HS6ST3: variants seen among roughly 807,000 people sequenced by gnomAD.
HS6ST3 encodes heparan-sulfate 6-O-sulfotransferase 3.
In HS6ST3, 12 loss-of-function variants were observed where a neutral mutation model predicts 36.7. The observed-to-expected ratio is 0.33, with a 90% confidence interval of 0.21 to 0.53. The LOEUF (loss-of-function observed/expected upper bound fraction) is 0.53. HS6ST3 is among the 20% of genes least tolerant of loss of function. The pLI, the probability that HS6ST3 is intolerant of heterozygous loss-of-function variation, is 0.95. For synonymous variants in HS6ST3, 240 were observed against 257.5 expected, an observed-to-expected ratio of 0.93 and a Z score of 0.65; for missense variants, 584 against 640.9, an observed-to-expected ratio of 0.91 and a Z score of 0.96.
chr13:96,242,823 A>G (rs182622405), intron 1 of HS6ST3, among the ~76,000 whole-genome samples: 67 of 152,330 alleles, frequency 4.4e-4, no homozygotes, highest in Non-Finnish European at 2.4e-4. Context: ...TCACCTCTGG[A>G]TTGCTTCTTT....
At chr13:96,761,985 C>G (rs927804796) in intron 1 of HS6ST3, among the ~76,000 whole-genome samples, 1 of 151,924 alleles carries the variant, frequency 6.6e-6, no homozygotes, top group Admixed American at 6.6e-5. Flanking sequence ...GGTATATACA[C>G]ACATTGTTAT....
chr13:96,731,376 A>T (rs1482288382), intron 1 of HS6ST3, among the ~76,000 whole-genome samples: 1 of 152,078 alleles, frequency 6.6e-6, no homozygotes, highest in Non-Finnish European at 1.5e-5. Context: ...TATTCAGTTA[A>T]CCTGATGTCC....
rs144956111 is a variant in HS6ST3, at chr13:96,608,955, T to C, written c.708-223535T>C. ...AGATAGATAGATAGATAGATATCTTTTATTTATTTATTTATATTTATTTAT... is the reference window on the plus strand; with the variant it reads ...AGATAGATAGATAGATAGATATCTTCTATTTATTTATTTATATTTATTTAT... On this transcript the variant is annotated intron_variant, in intron 1 of 1. Coordinates refer to ENST00000376705, the MANE Select transcript of HS6ST3 (RefSeq NM_153456.4). Among the ~76,000 whole-genome samples, 104 of 151,810 alleles carry C rather than the reference T, an allele frequency of 6.9e-4. 1 individual carries two copies. In the East Asian group the frequency reaches 0.02, roughly 29 times the overall value.
chr13:96,608,888 ATAAT>A (rs2056447812), intron 1 of HS6ST3, among the ~76,000 whole-genome samples: 1 of 152,126 alleles, frequency 6.6e-6, no homozygotes, highest in African/African-American at 2.4e-5. Flanking sequence ...ATCACTGGTA[ATAAT>A]TCATTAAGCC....
At chr13:96,182,650 C>CATAG (rs1240839179) in intron 1 of HS6ST3, among the ~76,000 whole-genome samples, 1 of 152,144 alleles carries the variant, frequency 6.6e-6, no homozygotes, top group Non-Finnish European at 1.5e-5. Context: ...TGAACAAAGG[C>CATAG]ATAGCATTCT....
rs984724356 is a variant in HS6ST3, at chr13:96,370,614, A to T, written c.707+279045A>T. On this transcript the variant is annotated intron_variant, in intron 1 of 1. Transcript: ENST00000376705. The stretch of plus-strand genomic sequence containing the variant: ...GATTTTGTCTTCATCACTCCCATTT[A>T]AAAAAATCCATTATTGGCCAGGTGT... 3.9e-5 allele frequency among the ~76,000 whole-genome samples: 6 copies of T among 152,164 alleles called. No homozygotes were observed. In the South Asian group the frequency reaches 8.3e-4, roughly 21 times the overall value.
At chr13:96,441,718 A>C (rs1306446402) in intron 1 of HS6ST3, among the ~76,000 whole-genome samples, 2 of 152,208 alleles carry the variant, frequency 1.3e-5, no homozygotes, top group Non-Finnish European at 2.9e-5. Flanking sequence ...AATAAAGAAG[A>C]GCTTCTAAAG....
At chr13:96,727,314 G>A (rs1876029082) in intron 1 of HS6ST3, among the ~76,000 whole-genome samples, 6 of 152,066 alleles carry the variant, frequency 3.9e-5, no homozygotes, top group Admixed American at 3.9e-4. Flanking sequence ...ATTCATCGTA[G>A]TACCTGGCAT....
chr13:96,539,924 C>T (rs138422165), intron 1 of HS6ST3, among the ~76,000 whole-genome samples: 1 of 152,156 alleles, frequency 6.6e-6, no homozygotes, highest in Non-Finnish European at 1.5e-5. Context: ...TTCCTGTAGC[C>T]CAGGGACTAA....
intron 1 of HS6ST3, among the ~76,000 whole-genome samples, chr13:96,698,592 A>G (rs974631912): frequency 2.6e-5 from 4 of 152,154 alleles, no homozygotes; most frequent in African/African-American, 9.7e-5. Context: ...CAAACCATTG[A>G]TCAATAAAAT....
intron 1 of HS6ST3, among the ~76,000 whole-genome samples, chr13:96,146,304 G>A (rs956320114): frequency 1.4e-4 from 21 of 151,994 alleles, no homozygotes; most frequent in East Asian, 3.9e-4. Flanking sequence ...ATGTTTTTCC[G>A]TTTGTTTGTA....
chr13:96,248,722 T>C (rs1484756002), intron 1 of HS6ST3, among the ~76,000 whole-genome samples: 16 of 152,186 alleles, frequency 1.1e-4, no homozygotes, highest in Non-Finnish European at 7.3e-5. Context: ...GTTGGGAACA[T>C]ATTAATTTTC....
chr13:96,642,261 AC>A (rs1402672033), intron 1 of HS6ST3, among the ~76,000 whole-genome samples: 3 of 151,716 alleles, frequency 2.0e-5, no homozygotes, highest in African/African-American at 7.3e-5. Flanking sequence ...CTTATTAATG[AC>A]CCTTGTATAT....
chr13:96,124,942 T>C (rs1019172475), intron 1 of HS6ST3, among the ~76,000 whole-genome samples: 2 of 152,214 alleles, frequency 1.3e-5, no homozygotes, highest in Non-Finnish European at 2.9e-5. Context: ...GATATTTTAC[T>C]GTGTGACATT....
At chr13:96,483,779 A>G (rs1203178883) in intron 1 of HS6ST3, among the ~76,000 whole-genome samples, 1 of 152,156 alleles carries the variant, frequency 6.6e-6, no homozygotes, top group Non-Finnish European at 1.5e-5. Flanking sequence ...CAAGGAAGTC[A>G]TTATGGTTAG....
rs1420244294 is a variant in HS6ST3, at chr13:96,197,838, G to T, written c.707+106269G>T. On this transcript the variant is annotated intron_variant, in intron 1 of 1. Coordinates refer to ENST00000376705, the MANE Select transcript of HS6ST3 (RefSeq NM_153456.4). The stretch of plus-strand genomic sequence containing the variant: ...TCTGTGGCTTTTCCAGGTGCGTGGT[G>T]GATCTACCATTCTGGGGACTGGAGG... 5.9e-5 allele frequency among the ~76,000 whole-genome samples: 9 copies of T among 152,240 alleles called. No homozygotes were observed. In the East Asian group the frequency reaches 1.7e-3, roughly 29 times the overall value.
chr13:96,291,888 T>C (rs1399347183), intron 1 of HS6ST3, among the ~76,000 whole-genome samples: 1 of 152,172 alleles, frequency 6.6e-6, no homozygotes, highest in Non-Finnish European at 1.5e-5. Flanking sequence ...AGTACATTCT[T>C]GTTCATACCA....
chr13:96,166,193 G>T (rs1381888261), intron 1 of HS6ST3, among the ~76,000 whole-genome samples: 2 of 152,036 alleles, frequency 1.3e-5, no homozygotes, highest in East Asian at 3.9e-4. Flanking sequence ...GAATATCTGG[G>T]GCTACAGGCA....
At chr13:96,265,333 C>T (rs1358828690) in intron 1 of HS6ST3, among the ~76,000 whole-genome samples, 1 of 152,024 alleles carries the variant, frequency 6.6e-6, no homozygotes, top group East Asian at 1.9e-4. Context: ...TAACACCATG[C>T]CCAGCTAATT....
Sources: allele counts gnomAD v4.1 joint callset (sites outside exome capture counted in the v4.1 genomes callset), GRCh38; gene constraint gnomAD v4.1.1; transcripts MANE v1.5; gene names NCBI Gene and HGNC (gene_info 2026-07-23, HGNC 2026-07-21).